ANXA3: variants seen among roughly 807,000 people sequenced by gnomAD.
ANXA3 encodes 35-alpha calcimedin.
ANXA3 carries 46 observed loss-of-function variants against 48.8 expected under a neutral mutation model. The observed-to-expected ratio is 0.94, with a 90% CI of 0.74 to 1.21. The LOEUF is 1.21. Ranked by LOEUF, ANXA3 falls within the 50% of genes most tolerant of loss-of-function variation. The probability of loss-of-function intolerance (pLI) is 0.00; values close to 1 mark genes in which losing one functional copy is unlikely to be tolerated. For synonymous variants in ANXA3, 128 were observed against 134.7 expected, an observed-to-expected ratio of 0.95 and a Z score of 0.35; for missense variants, 383 against 378.6, an observed-to-expected ratio of 1.01 and a Z score of -0.10.
At chr4:78,595,344 T>G in intron 7 of ANXA3, 37 bp from the exon 8 acceptor site, 1 of 1,610,912 alleles carries the variant, frequency 6.2e-7, no homozygotes, top group South Asian at 1.1e-5. Flanking sequence ...ATCTTCTATC[T>G]TTAAAGGATG....
At chr4:78,574,934 A>G (rs1372717358) in intron 3 of ANXA3, among the ~76,000 whole-genome samples, 1 of 152,230 alleles carries the variant, frequency 6.6e-6, no homozygotes, top group Non-Finnish European at 1.5e-5. Flanking sequence ...AAATTTTGCC[A>G]TACTGCTCTC....
chr4:78,558,909 T>A (rs536168014), intron 2 of ANXA3, among the ~76,000 whole-genome samples: 1 of 152,294 alleles, frequency 6.6e-6, no homozygotes, highest in South Asian at 2.1e-4. Context: ...ACAGCAGTAT[T>A]TTTTCTGCGT....
intron 5 of ANXA3, among the ~76,000 whole-genome samples, chr4:78,585,749 AG>A (rs1324192107): frequency 2.0e-5 from 3 of 152,206 alleles, no homozygotes; most frequent in Non-Finnish European, 2.9e-5. Context: ...AGTGTGATTC[AG>A]TGACCTTGAT....
At chr4:78,553,338 GT>G (rs941740094) in intron 1 of ANXA3, among the ~76,000 whole-genome samples, 5 of 151,484 alleles carry the variant, frequency 3.3e-5, no homozygotes, top group African/African-American at 1.2e-4. Context: ...TAATCAATAA[GT>G]TTTTTTTTTA....
At chr4:78,609,118 T>C (rs886564498) in intron 12 of ANXA3, among the ~76,000 whole-genome samples, 3 of 152,160 alleles carry the variant, frequency 2.0e-5, no homozygotes, top group Non-Finnish European at 2.9e-5. Flanking sequence ...CAGAAAAATA[T>C]ATATAAAGGC....
chr4:78,573,362 T>A (rs781461822), intron 3 of ANXA3, 95 bp downstream of exon 3: 121 of 874,118 alleles, frequency 1.4e-4, no homozygotes, highest in Non-Finnish European at 2.1e-4. Flanking sequence ...CTTACTCAAT[T>A]TAATAAATTG....
intron 5 of ANXA3, among the ~76,000 whole-genome samples, chr4:78,583,354 A>C (rs571122216): frequency 6.6e-6 from 1 of 152,114 alleles, no homozygotes; most frequent in East Asian, 1.9e-4. Flanking sequence ...CAACAACAAC[A>C]AAAATTTATT....
chr4:78,605,150 G>A (rs933927860), intron 12 of ANXA3, among the ~76,000 whole-genome samples: 5 of 152,146 alleles, frequency 3.3e-5, no homozygotes, highest in Non-Finnish European at 7.3e-5. Flanking sequence ...TTTTAGAGAT[G>A]GGGTCTTGCT....
chr4:78,567,416 G>C (rs1188657356), intron 2 of ANXA3, among the ~76,000 whole-genome samples: 3 of 152,116 alleles, frequency 2.0e-5, no homozygotes, highest in Non-Finnish European at 2.9e-5. Context: ...AATCCCCATA[G>C]GTTCTTAGTT....
At chr4:78,556,127 G>C (rs1722507386) in intron 2 of ANXA3, among the ~76,000 whole-genome samples, 1 of 152,046 alleles carries the variant, frequency 6.6e-6, no homozygotes, top group Non-Finnish European at 1.5e-5. Flanking sequence ...CTTGCATAAG[G>C]TTGAAAAAAT....
intron 12 of ANXA3, among the ~76,000 whole-genome samples, chr4:78,607,812 G>A (rs1723682497): frequency 6.6e-6 from 1 of 152,140 alleles, no homozygotes; most frequent in African/African-American, 2.4e-5. Flanking sequence ...TGCCTTTCAG[G>A]TCAACAAGCA....
chr4:78,579,197 C>T lies in ANXA3; in HGVS notation c.198+76C>T, dbSNP rs1292557368. 3 of 965,376 alleles carry T rather than the reference C, an allele frequency of 3.1e-6. No individual in the cohort carries two copies. The Admixed American group carries it at 5.5e-5, about 18-fold the overall frequency. 59.8% of individuals were successfully genotyped at this position (965,376 alleles called of 1,614,324 possible). A position where few individuals can be genotyped will look rare whatever the true frequency, so the allele number is the denominator to read the frequency against. On this transcript the variant is annotated intron_variant, in intron 4 of 12. Transcript: ENST00000264908. ...GGTCGCTCCCACATGGTTATGCCCA[C>T]AGTCTTCTGTTTCAGGCTGAGTGTA...
chr4:78,598,304 T>C (rs944532402), intron 10 of ANXA3, among the ~76,000 whole-genome samples: 9 of 151,540 alleles, frequency 5.9e-5, no homozygotes, highest in South Asian at 4.2e-4. Flanking sequence ...TTTTTTTTTT[T>C]CTTTTGAGAT....
chr4:78,561,861 A>C (rs1722633951), intron 2 of ANXA3, among the ~76,000 whole-genome samples: 1 of 152,220 alleles, frequency 6.6e-6, no homozygotes, highest in South Asian at 2.1e-4. Flanking sequence ...AAGTTGATTT[A>C]AAACAGGTTA....
intron 2 of ANXA3, among the ~76,000 whole-genome samples, chr4:78,566,585 TACCACTTATAA>T (rs1378988351): frequency 2.9e-5 from 4 of 138,682 alleles, no homozygotes; most frequent in Non-Finnish European, 6.1e-5. Flanking sequence ...GAAAGTCAAA[TACCACTTATAA>T]GTGGGAGCTA....
At chr4:78,572,790 A>G (rs1722865107) in intron 2 of ANXA3, among the ~76,000 whole-genome samples, 1 of 152,238 alleles carries the variant, frequency 6.6e-6, no homozygotes, top group Non-Finnish European at 1.5e-5. Context: ...TTATGTAACT[A>G]TGCCTGCATC....
At position 78,579,037 on chromosome 4, in the gene ANXA3, G is replaced by A; in HGVS notation, c.114G>A (p.Glu38=). ...QKAIRGIGTD[E]KMLISILTER... is the part of the protein sequence containing the mutation. The stretch of plus-strand genomic sequence containing the variant: ...TTTTGTTTCATTTAGGAACTGATGA[G>A]AAAATGCTCATCAGCATTCTGACTG... The change falls in exon 4 of 13, where the codon GAG becomes GAA. Residue 38 remains glutamate, a synonymous_variant. Coordinates refer to ENST00000264908, the MANE Select transcript of ANXA3 (RefSeq NM_005139.3). 1.2e-6 allele frequency: 2 copies of A among 1,609,738 alleles called. No individual in the cohort carries two copies. The highest frequency in any genetic ancestry group is 1.7e-6 in the Non-Finnish European group (2 of 1,176,348).
chr4:78,603,945 G>C (rs1723596659), intron 11 of ANXA3: 1 of 170,446 alleles, frequency 5.9e-6, no homozygotes, highest in African/African-American at 2.4e-5. Flanking sequence ...TCTTTCTTAG[G>C]CCCCCCTGAA....
intron 3 of ANXA3, among the ~76,000 whole-genome samples, chr4:78,577,604 T>C (rs762521268): frequency 2.6e-5 from 4 of 152,336 alleles, no homozygotes; most frequent in Admixed American, 1.3e-4. Context: ...GCATCTTTCA[T>C]TGGGAGGCCC....
Sources: allele counts gnomAD v4.1 joint callset (sites outside exome capture counted in the v4.1 genomes callset), GRCh38; gene constraint gnomAD v4.1.1; transcripts MANE v1.5; gene names NCBI Gene and HGNC (gene_info 2026-07-23, HGNC 2026-07-21).